The following TOP3B variants were observed in gnomAD, a reference collection of about 807,000 sequenced individuals.
The protein encoded by TOP3B is DNA topoisomerase 3-beta-1.
A neutral mutation model predicts 93.9 loss-of-function variants in TOP3B; 45 were observed. The ratio of observed to expected loss-of-function variants is 0.48; its 90% CI spans 0.38 to 0.61. TOP3B has a LOEUF of 0.61. TOP3B is among the 20% of genes least tolerant of loss of function. The pLI is 0.00. For synonymous variants in TOP3B, 357 were observed against 472.6 expected, an observed-to-expected ratio of 0.76 and a Z score of 3.17; for missense variants, 750 against 1,156.1, an observed-to-expected ratio of 0.65 and a Z score of 5.09.
At chr22:21,981,691 G>T (rs2084634901) in intron 1 of TOP3B, among the ~76,000 whole-genome samples, 1 of 152,084 alleles carries the variant, frequency 6.6e-6, no homozygotes, top group Admixed American at 6.6e-5. Flanking sequence ...CAGCTACTCA[G>T]GAGGCTGAGG....
In TOP3B at chr22:21,968,211, A is replaced by G. The variant is rs117390104; in HGVS notation, c.738+408T>C. ...CCAGGTTGTTGGGATTACAGACATCAGTCACTGTGCCTAGCTGTATTAAGT... is the reference window on the plus strand; with the variant it reads ...CCAGGTTGTTGGGATTACAGACATCGGTCACTGTGCCTAGCTGTATTAAGT... On this transcript the variant is annotated intron_variant, in intron 7 of 17. Transcript: ENST00000357179. The G allele has an allele frequency of 3.9e-5, 9 of 232,088 alleles. No homozygotes were observed. The East Asian group carries it at 8.2e-4, about 21-fold the overall frequency. 14.4% of individuals were successfully genotyped at this position (232,088 alleles called of 1,614,324 possible).
At chr22:21,959,052 A>C (rs1569139781) in intron 16 of TOP3B, 80 bp downstream of exon 16, 2 of 1,561,078 alleles carry the variant, frequency 1.3e-6, no homozygotes, top group Non-Finnish European at 1.7e-6. Flanking sequence ...GACAAAGAAC[A>C]TGATTCCTGC....
chr22:21,963,108 T>C lies in TOP3B; in HGVS notation c.1205-215A>G, dbSNP rs1383129468. The stretch of plus-strand genomic sequence containing the variant: ...TAGCACTCTGGGAGGCTAAGGTGGA[T>C]GGATCACTTGAGGTCAGGAGTTTGA... On this transcript the variant is annotated intron_variant, in intron 11 of 17. Transcript: ENST00000357179. The surrounding 1 kb of genome is among the most constrained non-coding windows in gnomAD (Gnocchi z 4.8). 8 of 549,076 alleles carry C rather than the reference T, an allele frequency of 1.5e-5. No individual in the cohort carries two copies. The highest frequency in any genetic ancestry group is 3.2e-5 in the East Asian group (1 of 31,160). The allele number at this position is 549,076 out of a possible 1,614,324, so 34.0% of individuals were successfully genotyped here.
chr22:21,980,844 T>A (rs1222507519), intron 1 of TOP3B, among the ~76,000 whole-genome samples: 1 of 152,200 alleles, frequency 6.6e-6, no homozygotes, highest in Non-Finnish European at 1.5e-5. Context: ...TCTCCCACAA[T>A]TGTCAGGTTC....
rs756829071 is a variant in TOP3B at position 21,964,021 on chromosome 22, C to T, written c.1106G>A (p.Arg369Gln). Residue 369 changes from arginine to glutamine, a missense_variant, in exon 11 of 18, where the codon CGG (arginine) becomes CAG (glutamine). Transcript: ENST00000357179. ...GCGGTTGATACCTTCTGCTAACAAC[C>T]GCTTCACCTGAGGGAGAGAAGACAG... ...NHPYWADTVK[R>Q]LLAEGINRPR... is the part of the protein sequence containing the mutation. 121 of 1,607,012 alleles carry T rather than the reference C, an allele frequency of 7.5e-5. No homozygotes were observed. Among genetic ancestry groups the T allele is most frequent in the Non-Finnish European group, 9.4e-5 (111 of 1,176,634 alleles).
chr22:21,968,427 G>T, intron 7 of TOP3B, 192 bp downstream of exon 7: 7 of 629,290 alleles, frequency 1.1e-5, no homozygotes, highest in South Asian at 1.0e-4. Context: ...GCATATACAG[G>T]CCCAGTCTCT....
chr22:21,981,797 A>C (rs749980764), intron 1 of TOP3B, among the ~76,000 whole-genome samples: 1 of 152,030 alleles, frequency 6.6e-6, no homozygotes, highest in Non-Finnish European at 1.5e-5. Flanking sequence ...CTCTGCCTGC[A>C]ACAAAACAAA....
chr22:21,960,880 C>T (rs1282339839), intron 13 of TOP3B: 1 of 193,432 alleles, frequency 5.2e-6, no homozygotes, highest in African/African-American at 2.3e-5. Flanking sequence ...GCTGCCCTCC[C>T]CTAAACCTGG....
intron 3 of TOP3B, chr22:21,973,037 C>T (rs2071707755): frequency 2.5e-6 from 1 of 393,862 alleles, no homozygotes; most frequent in Admixed American, 3.9e-5. Context: ...CTGGGAGCAC[C>T]ATTCCTGGGC....
chr22:21,962,117 C>G, intron 13 of TOP3B: 1 of 1,310,610 alleles, frequency 7.6e-7, no homozygotes. Context: ...AATATGATTT[C>G]TATGAGTCAC....
intron 9 of TOP3B, 77 bp from the exon 10 acceptor site, chr22:21,964,392 G>A: frequency 6.4e-7 from 1 of 1,563,554 alleles, no homozygotes; most frequent in Admixed American, 1.7e-5. Flanking sequence ...ATGCACTCAG[G>A]CTCCCCCATT....
chr22:21,972,357 AC>A (rs1569154740), intron 4 of TOP3B: 7 of 468,552 alleles, frequency 1.5e-5, no homozygotes, highest in South Asian at 8.1e-5. Context: ...AAGGAGAAAA[AC>A]CCCCCGACCA....
At chr22:21,968,595 C>G in intron 7 of TOP3B, 24 bp downstream of exon 7, 1 of 1,612,980 alleles carries the variant, frequency 6.2e-7, no homozygotes, top group South Asian at 1.1e-5. Flanking sequence ...AAAGCCCCAG[C>G]ATGAATAGAG....
intron 9 of TOP3B, chr22:21,964,516 G>T (rs1048398828): frequency 4.9e-6 from 3 of 614,462 alleles, no homozygotes; most frequent in Non-Finnish European, 8.5e-6. Flanking sequence ...GCTGAATCCC[G>T]CACCCGTAAG....
At chr22:21,958,737 C>T (rs943702798) in intron 16 of TOP3B, 44 bp from the exon 17 acceptor site, 2 of 1,544,806 alleles carry the variant, frequency 1.3e-6, no homozygotes, top group African/African-American at 2.7e-5. Context: ...ACTGGGGCCA[C>T]CGACTTGGCA....
chr22:21,965,423 C>A, intron 8 of TOP3B, 48 bp from the exon 9 acceptor site: 1 of 1,290,926 alleles, frequency 7.7e-7, no homozygotes, highest in South Asian at 1.3e-5. Context: ...AAGACACCAC[C>A]ATAGAGGGAA....
chr22:21,974,054 A>T (rs1323645968), intron 3 of TOP3B: 1 of 205,960 alleles, frequency 4.9e-6, no homozygotes, highest in African/African-American at 2.3e-5. Flanking sequence ...CTTCTCTTAA[A>T]TGCCTGCACA....
chr22:21,977,413 C>T (rs2071918311), intron 1 of TOP3B: 1 of 151,676 alleles, frequency 6.6e-6, no homozygotes, highest in Admixed American at 6.6e-5. Flanking sequence ...CCTATAATCC[C>T]AGCTGCTTGG....
At chr22:21,959,540 C>T in intron 15 of TOP3B, 47 bp downstream of exon 15, 1 of 1,558,484 alleles carries the variant, frequency 6.4e-7, no homozygotes, top group Non-Finnish European at 8.7e-7. Context: ...GCCTTGCTGA[C>T]AGAGAGACAC....
Sources: gnomAD v4.1 joint callset for allele counts (sites outside exome capture counted in the v4.1 genomes callset) on GRCh38, gnomAD v4.1.1 for gene constraint, Gnocchi (gnomAD v3.1) non-coding constraint, MANE v1.5 for transcripts, NCBI Gene and HGNC (gene_info 2026-07-23, HGNC 2026-07-21) for gene names.